SLC35F4: variants seen among roughly 807,000 people sequenced by gnomAD.
SLC35F4 encodes solute carrier family 35 member F4.
Under a neutral mutation model 44.2 loss-of-function variants are expected in SLC35F4, and 24 were observed. The ratio of observed to expected loss-of-function variants is 0.54; its 90% CI spans 0.39 to 0.76. The LOEUF is 0.76. Ranked by LOEUF, SLC35F4 falls within the 30% of genes least tolerant of loss-of-function variation. The probability of loss-of-function intolerance (pLI) is 0.00; values close to 1 mark genes in which losing one functional copy is unlikely to be tolerated. For missense variants in SLC35F4, 562 were observed against 586.1 expected (o/e 0.96, Z 0.42); for synonymous variants, 238 against 223.6 (o/e 1.06, Z -0.57).
intron 1 of SLC35F4, among the ~76,000 whole-genome samples, chr14:57,951,221 G>A (rs914755601): frequency 3.3e-5 from 5 of 152,150 alleles, no homozygotes; most frequent in African/African-American, 1.2e-4. Flanking sequence ...GAAGCCATGA[G>A]GGACTGTGCT....
At chr14:57,652,353 C>A (rs1474968346) in intron 1 of SLC35F4, among the ~76,000 whole-genome samples, 1 of 152,132 alleles carries the variant, frequency 6.6e-6, no homozygotes, top group Non-Finnish European at 1.5e-5. Context: ...AATGTTTAAG[C>A]CGGGTACCTG....
Position 57,578,325 on chromosome 14 carries a change from G to GTTTTTTTTTTTTTTTTTTTTTTTTTTTT in SLC35F4, c.807+2861_807+2888dup, listed in dbSNP as rs199785589. 1.4e-4 allele frequency among the ~76,000 whole-genome samples: 6 copies of GTTTTTTTTTTTTTTTTTTTTTTTTTTTT among 43,166 alleles called. 3 individuals are homozygous for GTTTTTTTTTTTTTTTTTTTTTTTTTTTT. The highest frequency in any genetic ancestry group is 2.8e-4 in the Non-Finnish European group (6 of 21,764). 28.3% of individuals were successfully genotyped at this position (43,166 alleles called of 152,430 possible). On this transcript the variant is annotated intron_variant, in intron 4 of 7. Coordinates refer to ENST00000556826, the MANE Select transcript of SLC35F4 (RefSeq NM_001306087.2). ...GATGACTGAAAGCATCCCTTTAACTGTTTTTTTTTTTTTTTTTTTTTTTTT... is the reference window on the plus strand; with the variant it reads ...GATGACTGAAAGCATCCCTTTAACTGTTTTTTTTTTTTTTTTTTTTTTTTTTTTTTTTTTTTTTTTTTTTTTTTTTTTT...
chr14:57,903,664 T>G (rs1174470394), intron 1 of SLC35F4, among the ~76,000 whole-genome samples: 1 of 152,212 alleles, frequency 6.6e-6, no homozygotes, highest in Non-Finnish European at 1.5e-5. Flanking sequence ...AATGTCTCAT[T>G]TAAGTGTTAG....
intron 1 of SLC35F4, among the ~76,000 whole-genome samples, chr14:57,917,718 G>T (rs972263421): frequency 2.0e-5 from 3 of 152,130 alleles, no homozygotes; most frequent in African/African-American, 7.2e-5. Flanking sequence ...GATACAGGGG[G>T]TACATGTACA....
At chr14:57,684,994 T>C (rs920990627) in intron 1 of SLC35F4, among the ~76,000 whole-genome samples, 2 of 152,206 alleles carry the variant, frequency 1.3e-5, no homozygotes, top group Admixed American at 6.5e-5. Context: ...CTTAAGTGTA[T>C]ATCAGAATAC....
intron 1 of SLC35F4, among the ~76,000 whole-genome samples, chr14:57,964,402 A>G (rs1890395159): frequency 8.9e-6 from 1 of 112,512 alleles, no homozygotes; most frequent in Non-Finnish European, 1.7e-5. Context: ...GAAAGACTCT[A>G]AATTTAAAAA....
chr14:57,930,099 C>A (rs955888878), intron 1 of SLC35F4, among the ~76,000 whole-genome samples: 1 of 152,188 alleles, frequency 6.6e-6, no homozygotes, highest in Non-Finnish European at 1.5e-5. Flanking sequence ...AGAACATTCG[C>A]TTCTCAACTC....
upstream of SLC35F4, among the ~76,000 whole-genome samples, chr14:57,982,944 C>T (rs1438951687): frequency 6.6e-6 from 1 of 152,154 alleles, no homozygotes; most frequent in Non-Finnish European, 1.5e-5. Flanking sequence ...ACTGCCAATC[C>T]TCACCGCCAG....
chr14:57,585,332 G>GTATC (rs2069626552), intron 3 of SLC35F4, among the ~76,000 whole-genome samples: 2 of 151,854 alleles, frequency 1.3e-5, no homozygotes, highest in South Asian at 2.1e-4. Context: ...TGGATGGAAC[G>GTATC]TATCTATCTC....
At chr14:57,817,655 T>G (rs549044297) in intron 1 of SLC35F4, among the ~76,000 whole-genome samples, 1 of 151,834 alleles carries the variant, frequency 6.6e-6, no homozygotes, top group African/African-American at 2.4e-5. Context: ...AAGCAGAAAA[T>G]GCAGTGGGGA....
intron 1 of SLC35F4, among the ~76,000 whole-genome samples, chr14:57,691,186 G>A (rs1002118380): frequency 6.6e-6 from 1 of 152,144 alleles, no homozygotes; most frequent in Non-Finnish European, 1.5e-5. Flanking sequence ...AGGGTGGGAG[G>A]GGAGGAAATG....
chr14:57,569,758 G>A (rs751722740), intron 6 of SLC35F4, 30 bp downstream of exon 6: 2 of 1,550,328 alleles, frequency 1.3e-6, no homozygotes, highest in Middle Eastern at 2.0e-4. Context: ...TTGATATAGG[G>A]AATGGAAGGC....
chr14:57,849,156 C>T lies in SLC35F4; in HGVS notation c.103+16567G>A, dbSNP rs1886309838. On this transcript the variant is annotated intron_variant, in intron 1 of 7. Transcript: ENST00000556826. Reference sequence around the variant, plus strand: ...AATATAAGCACATAAAAAAGAATCACAACATATCCAAGAATACTGACTAAC... The same window carrying T: ...AATATAAGCACATAAAAAAGAATCATAACATATCCAAGAATACTGACTAAC... Among the ~76,000 whole-genome samples the T allele has an allele frequency of 2.0e-5, 3 of 151,896 alleles. No homozygotes were observed. The South Asian group carries it at 6.2e-4, about 31-fold the overall frequency.
At chr14:57,929,505 C>T (rs993688599) in intron 1 of SLC35F4, among the ~76,000 whole-genome samples, 3 of 152,056 alleles carry the variant, frequency 2.0e-5, no homozygotes, top group Non-Finnish European at 4.4e-5. Flanking sequence ...TCAGGAGATA[C>T]TGACACTAAA....
chr14:57,713,591 G>C (rs774197647), intron 1 of SLC35F4, among the ~76,000 whole-genome samples: 3 of 152,158 alleles, frequency 2.0e-5, no homozygotes, highest in Admixed American at 1.3e-4. Context: ...TAAGTACTGT[G>C]TTTCTCTGTT....
At chr14:57,727,550 A>T (rs2076235668) in intron 1 of SLC35F4, among the ~76,000 whole-genome samples, 1 of 150,520 alleles carries the variant, frequency 6.6e-6, no homozygotes. Flanking sequence ...TCCTCCTAGT[A>T]CTGCTTTCAC....
At chr14:57,919,830 G>A (rs1281151382) in intron 1 of SLC35F4, among the ~76,000 whole-genome samples, 1 of 152,202 alleles carries the variant, frequency 6.6e-6, no homozygotes, top group African/African-American at 2.4e-5. Context: ...TTCTGAAGAT[G>A]GAGAGCAATT....
chr14:57,977,341 C>T (rs1881248115), intron 1 of SLC35F4, among the ~76,000 whole-genome samples: 1 of 152,180 alleles, frequency 6.6e-6, no homozygotes, highest in African/African-American at 2.4e-5. Context: ...ACATCATGAG[C>T]TAGAGACATC....
chr14:57,814,882 T>C (rs1053623795), intron 1 of SLC35F4, among the ~76,000 whole-genome samples: 2 of 152,292 alleles, frequency 1.3e-5, no homozygotes, highest in South Asian at 2.1e-4. Flanking sequence ...ACATCTGTTT[T>C]AAAAAATAAA....
Sources: allele counts gnomAD v4.1 joint callset (sites outside exome capture counted in the v4.1 genomes callset), GRCh38; gene constraint gnomAD v4.1.1; transcripts MANE v1.5; gene names NCBI Gene and HGNC (gene_info 2026-07-23, HGNC 2026-07-21).